The following PPM1H variants were observed in gnomAD, a reference collection of about 807,000 sequenced individuals.
PPM1H encodes the protein protein phosphatase, Mg2+/Mn2+ dependent 1H, also known as protein phosphatase 1H.
PPM1H carries 27 observed loss-of-function variants against 54.9 expected under a neutral mutation model. That is an observed-to-expected ratio of 0.49 (90% CI 0.36 to 0.68). PPM1H has a LOEUF of 0.68. PPM1H is among the 30% of genes least tolerant of loss of function. The pLI is 0.00. For missense variants in PPM1H, 596 were observed against 667.8 expected, an observed-to-expected ratio of 0.89 and a Z score of 1.19; for synonymous variants, 305 against 270.8, an observed-to-expected ratio of 1.13 and a Z score of -1.24.
At chr12:62,766,922 C>A (rs1000796232) in intron 4 of PPM1H, among the ~76,000 whole-genome samples, 9 of 152,200 alleles carry the variant, frequency 5.9e-5, no homozygotes, top group African/African-American at 2.2e-4. Context: ...CAAAAGGCAG[C>A]AAGTTCATGG....
chr12:62,681,611 C>T (rs2076019334), intron 8 of PPM1H, among the ~76,000 whole-genome samples: 1 of 152,162 alleles, frequency 6.6e-6, no homozygotes, highest in Admixed American at 6.6e-5. Context: ...CGATTTCTTC[C>T]TTTCTTTAAA....
intron 1 of PPM1H, among the ~76,000 whole-genome samples, chr12:62,921,711 A>G (rs957932721): frequency 4.6e-5 from 7 of 152,222 alleles, no homozygotes; most frequent in African/African-American, 1.7e-4. Context: ...ACTTGAGCCC[A>G]TAGGGTGATA....
Position 62,689,605 on chromosome 12 carries a change from T to A in PPM1H, c.1245+94A>T, listed in dbSNP as rs953032851. On this transcript the variant is annotated intron_variant, in intron 8 of 9. Coordinates refer to ENST00000228705, the MANE Select transcript of PPM1H (RefSeq NM_020700.2). ...CAGTGGAAGTACATATAATACAAGT[T>A]GGCTACTGTCTGGATATGGGGTGTG... is the stretch of plus-strand genomic sequence containing the variant. The A allele has an allele frequency of 3.7e-6, 3 of 813,540 alleles. No homozygotes were observed. The African/African-American group carries it at 5.2e-5, about 14-fold the overall frequency. The allele number at this position is 813,540 out of a possible 1,614,324, so 50.4% of individuals were successfully genotyped here.
chr12:62,741,873 C>T (rs897939678), intron 4 of PPM1H, among the ~76,000 whole-genome samples: 5 of 151,970 alleles, frequency 3.3e-5, no homozygotes, highest in African/African-American at 1.2e-4. Context: ...CAGAAGAATC[C>T]AGAAATGAGG....
At chr12:62,898,577 T>A (rs10877925) in intron 1 of PPM1H, among the ~76,000 whole-genome samples, 51,645 of 152,150 alleles carry the variant, frequency 0.34, 9,180 homozygotes, top group East Asian at 0.54. Context: ...AATTTGTTCC[T>A]CTTTGTTGTC....
intron 9 of PPM1H, among the ~76,000 whole-genome samples, chr12:62,656,552 C>T (rs1304357600): frequency 2.6e-5 from 4 of 152,118 alleles, no homozygotes; most frequent in Admixed American, 6.6e-5. Flanking sequence ...AGGCTATCAC[C>T]GTATCTTAAA....
At chr12:62,893,393 C>T (rs886087000) in intron 1 of PPM1H, among the ~76,000 whole-genome samples, 11 of 152,158 alleles carry the variant, frequency 7.2e-5, no homozygotes, top group Admixed American at 7.2e-4. Context: ...GTGTACTAAT[C>T]TCCTTTTCTT....
At chr12:62,713,394 C>T (rs2076218119) in intron 6 of PPM1H, among the ~76,000 whole-genome samples, 3 of 152,096 alleles carry the variant, frequency 2.0e-5, no homozygotes. Context: ...AAGAAGGCTG[C>T]TGGGCTGCTT....
chr12:62,694,952 TATTTA>T (rs1176050499), intron 6 of PPM1H, among the ~76,000 whole-genome samples: 2 of 152,208 alleles, frequency 1.3e-5, no homozygotes, highest in Non-Finnish European at 2.9e-5. Flanking sequence ...ACTTCAAAGT[TATTTA>T]AAAGACTAAG....
At chr12:62,760,640 T>A (rs979465736) in intron 4 of PPM1H, among the ~76,000 whole-genome samples, 1 of 152,214 alleles carries the variant, frequency 6.6e-6, no homozygotes, top group African/African-American at 2.4e-5. Flanking sequence ...CTATCAGACC[T>A]TTCCCAAATC....
chr12:62,649,466 T>C (rs2075804563), intron 9 of PPM1H, among the ~76,000 whole-genome samples: 1 of 152,160 alleles, frequency 6.6e-6, no homozygotes, highest in Non-Finnish European at 1.5e-5. Flanking sequence ...TGGGCCTGGG[T>C]TAGCCCTGAG....
chr12:62,839,300 G>C (rs1008640215), intron 1 of PPM1H, among the ~76,000 whole-genome samples: 2 of 152,120 alleles, frequency 1.3e-5, no homozygotes, highest in Non-Finnish European at 2.9e-5. Context: ...GTTGCAAACT[G>C]GGGTCTCAAG....
chr12:62,721,248 TCTCA>T (rs2076262168), intron 5 of PPM1H, among the ~76,000 whole-genome samples: 1 of 152,190 alleles, frequency 6.6e-6, no homozygotes, highest in Admixed American at 6.5e-5. Context: ...CCGGCGGATC[TCTCA>T]CTGATTCTCA....
intron 1 of PPM1H, among the ~76,000 whole-genome samples, chr12:62,932,763 T>C (rs1168588271): frequency 1.3e-5 from 2 of 149,414 alleles, no homozygotes; most frequent in Admixed American, 1.4e-4. Context: ...GCCTCCCGAG[T>C]AGCTGGGATT....
intron 6 of PPM1H, among the ~76,000 whole-genome samples, chr12:62,712,836 G>A (rs1342928726): frequency 1.3e-5 from 2 of 152,198 alleles, no homozygotes; most frequent in Non-Finnish European, 2.9e-5. Flanking sequence ...AGTTGGGGCT[G>A]CTTTATTAGG....
chr12:62,654,710 G>A (rs2075834972), intron 9 of PPM1H, among the ~76,000 whole-genome samples: 1 of 152,172 alleles, frequency 6.6e-6, no homozygotes, highest in African/African-American at 2.4e-5. Flanking sequence ...CTGCAGACCT[G>A]TATGGATTCG....
chr12:62,853,890 A>G (rs983789067), intron 1 of PPM1H, among the ~76,000 whole-genome samples: 2 of 152,176 alleles, frequency 1.3e-5, no homozygotes, highest in African/African-American at 2.4e-5. Context: ...TGAAAGCCCT[A>G]TTGGGAAGAG....
chr12:62,873,248 GCC>G (rs1870049064), intron 1 of PPM1H, among the ~76,000 whole-genome samples: 1 of 152,150 alleles, frequency 6.6e-6, no homozygotes, highest in African/African-American at 2.4e-5. Context: ...ACAGGCTACT[GCC>G]TAGGATAACC....
intron 8 of PPM1H, among the ~76,000 whole-genome samples, chr12:62,689,028 G>A (rs759987574): frequency 1.3e-5 from 2 of 152,102 alleles, no homozygotes; most frequent in African/African-American, 2.4e-5. Flanking sequence ...AACTGTGACC[G>A]AAGGCAGACA....
Sources: allele counts gnomAD v4.1 joint callset (sites outside exome capture counted in the v4.1 genomes callset), GRCh38; gene constraint gnomAD v4.1.1; transcripts MANE v1.5; gene names NCBI Gene and HGNC (gene_info 2026-07-23, HGNC 2026-07-21).